The following PTPN4 variants were observed in gnomAD, a reference collection of about 807,000 sequenced individuals.
PTPN4 encodes protein tyrosine phosphatase non-receptor type 4.
Under a neutral mutation model 135.5 loss-of-function variants are expected in PTPN4, and 49 were observed. That is an observed-to-expected ratio of 0.36 (90% CI 0.29 to 0.46). The LOEUF is 0.46. Ranked by LOEUF, PTPN4 falls within the 20% of genes least tolerant of loss-of-function variation. The probability of loss-of-function intolerance (pLI) is 1.00; values close to 1 mark genes in which losing one functional copy is unlikely to be tolerated. For missense variants in PTPN4, 860 were observed against 1,101.0 expected, an observed-to-expected ratio of 0.78 and a Z score of 3.10; for synonymous variants, 333 against 369.9, an observed-to-expected ratio of 0.90 and a Z score of 1.14.
At chr2:119,816,938 G>A (rs1038164560) in intron 2 of PTPN4, among the ~76,000 whole-genome samples, 49 of 152,124 alleles carry the variant, frequency 3.2e-4, no homozygotes, top group African/African-American at 1.1e-3. Flanking sequence ...CTTCTAGCAC[G>A]GACAAAGTTG....
chr2:119,850,918 T>C (rs1314715247), intron 2 of PTPN4, among the ~76,000 whole-genome samples: 1 of 152,214 alleles, frequency 6.6e-6, no homozygotes, highest in Non-Finnish European at 1.5e-5. Flanking sequence ...TTTGAGATAT[T>C]GCTCAGTTCC....
intron 2 of PTPN4, among the ~76,000 whole-genome samples, chr2:119,826,157 A>G (rs560025308): frequency 1.5e-4 from 23 of 152,248 alleles, no homozygotes; most frequent in Non-Finnish European, 3.1e-4. Context: ...GTTGGGAGAG[A>G]TGGAGACTGC....
At chr2:119,969,700 AG>A (rs1259307661) in intron 26 of PTPN4, among the ~76,000 whole-genome samples, 1 of 151,764 alleles carries the variant, frequency 6.6e-6, no homozygotes, top group Admixed American at 6.6e-5. Context: ...CTGGGACTAC[AG>A]GCACCCGCCA....
chr2:119,793,863 T>G (rs1238918315), intron 1 of PTPN4, among the ~76,000 whole-genome samples: 1 of 137,008 alleles, frequency 7.3e-6, no homozygotes, highest in Non-Finnish European at 1.6e-5. Context: ...TTTTTTTTTT[T>G]TTTTTTTTTT....
chr2:119,908,750 C>T (rs933240853), intron 10 of PTPN4, among the ~76,000 whole-genome samples: 1 of 152,176 alleles, frequency 6.6e-6, no homozygotes. Context: ...GAAGGCATGT[C>T]AAAGTCAAGA....
chr2:119,944,706 C>T (rs1416196516), intron 15 of PTPN4, among the ~76,000 whole-genome samples: 3 of 152,080 alleles, frequency 2.0e-5, no homozygotes, highest in African/African-American at 7.2e-5. Flanking sequence ...GGAATAGTTA[C>T]TTTATCTGTG....
chr2:119,808,601 T>C (rs552188015), intron 1 of PTPN4, among the ~76,000 whole-genome samples: 1 of 152,276 alleles, frequency 6.6e-6, no homozygotes, highest in East Asian at 1.9e-4. Flanking sequence ...AAACATTCTT[T>C]TTTGTAGAAA....
chr2:119,858,809 T>TA (rs1677718499), intron 2 of PTPN4, among the ~76,000 whole-genome samples: 1 of 151,954 alleles, frequency 6.6e-6, no homozygotes, highest in East Asian at 1.9e-4. Flanking sequence ...ATTTTTTATA[T>TA]TTTTTTAGTA....
chr2:119,932,806 C>T (rs535097940), intron 14 of PTPN4, among the ~76,000 whole-genome samples: 63 of 152,266 alleles, frequency 4.1e-4, no homozygotes, highest in African/African-American at 1.2e-3. Context: ...AGTTAACTTT[C>T]GCAGTTAAGA....
At chr2:119,818,427 C>T (rs968631778) in intron 2 of PTPN4, among the ~76,000 whole-genome samples, 3 of 152,200 alleles carry the variant, frequency 2.0e-5, no homozygotes, top group Non-Finnish European at 2.9e-5. Context: ...ATTGCATGGC[C>T]TATAGCTAAG....
Position 119,977,265 on chromosome 2 carries a change from G to A in PTPN4, c.*195G>A. The A allele has an allele frequency of 2.3e-6, 2 of 888,154 alleles. No homozygotes were observed. Among genetic ancestry groups the A allele is most frequent in the Non-Finnish European group, 3.0e-6 (2 of 663,328 alleles). The allele number at this position is 888,154 out of a possible 1,614,324, so 55.0% of individuals were successfully genotyped here. A position where few individuals can be genotyped will look rare whatever the true frequency, so the allele number is the denominator to read the frequency against. ...TTCAAAATCTATAACTCATGTATTT[G>A]AAGACTGTTTCATGCTTTGCTCCGA... On this transcript the variant is annotated 3_prime_UTR_variant, in exon 27 of 27. Coordinates refer to ENST00000263708, the MANE Select transcript of PTPN4 (RefSeq NM_002830.4).
At chr2:119,833,435 G>A (rs1024978000) in intron 2 of PTPN4, among the ~76,000 whole-genome samples, 3 of 152,062 alleles carry the variant, frequency 2.0e-5, no homozygotes, top group Non-Finnish European at 4.4e-5. Flanking sequence ...ATATTGGATA[G>A]AGCAAATCCT....
chr2:119,811,060 T>C (rs1323217265), intron 2 of PTPN4, among the ~76,000 whole-genome samples: 3 of 151,648 alleles, frequency 2.0e-5, no homozygotes, highest in Non-Finnish European at 4.4e-5. Flanking sequence ...AAAATATGAA[T>C]CTTACACCGG....
chr2:119,867,930 T>C (rs910820482), intron 3 of PTPN4, among the ~76,000 whole-genome samples: 1 of 152,208 alleles, frequency 6.6e-6, no homozygotes, highest in African/African-American at 2.4e-5. Context: ...TAATTCATTA[T>C]TGCACTGGCC....
intron 1 of PTPN4, among the ~76,000 whole-genome samples, chr2:119,808,775 G>A (rs77304525): frequency 0.023 from 3,530 of 152,158 alleles, 128 homozygotes; most frequent in African/African-American, 0.077. Flanking sequence ...TGTCAACATA[G>A]TAAGACTTTT....
chr2:119,983,275 A>G lies in PTPN4; in HGVS notation c.*6205A>G, dbSNP rs1259555252. The stretch of plus-strand genomic sequence containing the variant: ...TTACCAGGAATCCGTCAAGGGGGAG[A>G]TAGCCCCGCTCACACCCTTAGACCC... On this transcript the variant is annotated 3_prime_UTR_variant, in exon 27 of 27. Coordinates refer to ENST00000263708, the MANE Select transcript of PTPN4 (RefSeq NM_002830.4). 1.3e-5 allele frequency: 2 copies of G among 152,230 alleles called. No homozygotes were observed. Among genetic ancestry groups the G allele is most frequent in the African/African-American group, 2.4e-5 (1 of 41,470 alleles). The allele number at this position is 152,230 out of a possible 1,614,324, so 9.4% of individuals were successfully genotyped here. A position where few individuals can be genotyped will look rare whatever the true frequency, so the allele number is the denominator to read the frequency against.
intron 10 of PTPN4, among the ~76,000 whole-genome samples, chr2:119,905,612 G>GA (rs1257401301): frequency 2.0e-5 from 3 of 152,098 alleles, no homozygotes; most frequent in Non-Finnish European, 4.4e-5. Flanking sequence ...TAGACCAAAG[G>GA]AACCTAATAA....
intron 14 of PTPN4, among the ~76,000 whole-genome samples, chr2:119,933,228 A>G (rs1678931845): frequency 6.6e-6 from 1 of 152,246 alleles, no homozygotes; most frequent in Admixed American, 6.5e-5. Context: ...TGTAATTAAG[A>G]TAATGGTAAA....
At chr2:119,841,731 T>G (rs1407773933) in intron 2 of PTPN4, among the ~76,000 whole-genome samples, 1 of 152,204 alleles carries the variant, frequency 6.6e-6, no homozygotes, top group Non-Finnish European at 1.5e-5. Flanking sequence ...CTTCCCATGC[T>G]CATTACTCAG....
Sources: gnomAD v4.1 joint callset for allele counts (sites outside exome capture counted in the v4.1 genomes callset) on GRCh38, gnomAD v4.1.1 for gene constraint, MANE v1.5 for transcripts, NCBI Gene and HGNC (gene_info 2026-07-23, HGNC 2026-07-21) for gene names.